The following TAFA1 variants were observed in gnomAD, a reference collection of about 807,000 sequenced individuals.
The protein encoded by TAFA1 is TAFA chemokine like family member 1.
TAFA1 carries 4 observed loss-of-function variants against 18.5 expected under a neutral mutation model. The ratio of observed to expected loss-of-function variants is 0.22; its 90% confidence interval spans 0.11 to 0.49. The LOEUF is 0.49. TAFA1 is among the 20% of genes least tolerant of loss of function. The probability of loss-of-function intolerance (pLI) is 0.98; values close to 1 mark genes in which losing one functional copy is unlikely to be tolerated. For missense variants in TAFA1, 147 were observed against 169.0 expected (o/e 0.87, Z 0.72); for synonymous variants, 56 against 55.2 (o/e 1.01, Z -0.06).
intron 2 of TAFA1, among the ~76,000 whole-genome samples, chr3:68,290,202 C>A (rs2068082715): frequency 6.6e-6 from 1 of 152,070 alleles, no homozygotes; most frequent in African/African-American, 2.4e-5. Flanking sequence ...TTAGTTAACC[C>A]AATATTTCTC....
chr3:68,125,669 T>C (rs905158308), intron 2 of TAFA1, among the ~76,000 whole-genome samples: 3 of 152,170 alleles, frequency 2.0e-5, no homozygotes, highest in African/African-American at 7.2e-5. Context: ...AACAAGACAC[T>C]GTCTCTGGTG....
At chr3:68,033,640 A>T (rs959405383) in intron 2 of TAFA1, among the ~76,000 whole-genome samples, 1 of 152,194 alleles carries the variant, frequency 6.6e-6, no homozygotes, top group Admixed American at 6.6e-5. Context: ...AAGTCATGCT[A>T]GATATTTACT....
At chr3:68,082,786 GAC>G (rs1281087792) in intron 2 of TAFA1, among the ~76,000 whole-genome samples, 1 of 152,182 alleles carries the variant, frequency 6.6e-6, no homozygotes, top group East Asian at 1.9e-4. Flanking sequence ...TTCAGAGACT[GAC>G]ACAGTTTCAG....
At chr3:68,176,476 C>G (rs1210719226) in intron 2 of TAFA1, among the ~76,000 whole-genome samples, 1 of 152,114 alleles carries the variant, frequency 6.6e-6, no homozygotes, top group Non-Finnish European at 1.5e-5. Context: ...AGTGAGACTC[C>G]ACCAAGTAAA....
At chr3:68,167,195 C>T (rs544391048) in intron 2 of TAFA1, among the ~76,000 whole-genome samples, 2 of 152,272 alleles carry the variant, frequency 1.3e-5, no homozygotes, top group African/African-American at 4.8e-5. Flanking sequence ...TGGGATGTTT[C>T]CTTTATGCTC....
chr3:68,170,336 C>G (rs2066036821), intron 2 of TAFA1, among the ~76,000 whole-genome samples: 1 of 152,162 alleles, frequency 6.6e-6, no homozygotes, highest in Non-Finnish European at 1.5e-5. Flanking sequence ...TGCCCAAAGT[C>G]CAGGGCTTGT....
intron 2 of TAFA1, among the ~76,000 whole-genome samples, chr3:68,333,108 A>C (rs572479265): frequency 1.3e-5 from 2 of 152,204 alleles, no homozygotes; most frequent in Non-Finnish European, 2.9e-5. Context: ...TTCTGAAAGA[A>C]CTTAAAACAG....
intron 2 of TAFA1, among the ~76,000 whole-genome samples, chr3:68,416,888 A>G (rs1259740130): frequency 6.6e-6 from 1 of 152,116 alleles, no homozygotes; most frequent in African/African-American, 2.4e-5. Context: ...CTTCTGTATC[A>G]CTGGAGTGTC....
At chr3:68,249,875 G>A (rs1485185026) in intron 2 of TAFA1, among the ~76,000 whole-genome samples, 2 of 152,118 alleles carry the variant, frequency 1.3e-5, no homozygotes, top group Admixed American at 6.6e-5. Flanking sequence ...CAGAGGTGGA[G>A]TGTCTCCTCT....
chr3:68,288,791 G>A (rs978053231), intron 2 of TAFA1, among the ~76,000 whole-genome samples: 4 of 152,212 alleles, frequency 2.6e-5, no homozygotes, highest in African/African-American at 9.6e-5. Flanking sequence ...CATGATATGG[G>A]AGAGCCAGGG....
chr3:68,012,801 G>A (rs1704497128), intron 2 of TAFA1, among the ~76,000 whole-genome samples: 1 of 152,020 alleles, frequency 6.6e-6, no homozygotes, highest in African/African-American at 2.4e-5. Flanking sequence ...ATATCATGAG[G>A]CCCTTTTCCT....
At chr3:68,311,366 T>G (rs1420088440) in intron 2 of TAFA1, among the ~76,000 whole-genome samples, 3 of 152,300 alleles carry the variant, frequency 2.0e-5, no homozygotes, top group South Asian at 4.1e-4. Flanking sequence ...CATTTCAGCA[T>G]TTACTCAAAA....
At chr3:68,181,361 G>A (rs944079558) in intron 2 of TAFA1, among the ~76,000 whole-genome samples, 1 of 145,372 alleles carries the variant, frequency 6.9e-6, no homozygotes, top group Non-Finnish European at 1.5e-5. Flanking sequence ...GAAAGATGGT[G>A]CACTGACTAG....
At chr3:68,200,559 G>A (rs1389792636) in intron 2 of TAFA1, among the ~76,000 whole-genome samples, 1 of 151,492 alleles carries the variant, frequency 6.6e-6, no homozygotes, top group Non-Finnish European at 1.5e-5. Context: ...GCAAGTTTTG[G>A]CAGAGTGTGT....
At chr3:68,518,076 C>T (rs2072952593) in intron 3 of TAFA1, among the ~76,000 whole-genome samples, 1 of 152,332 alleles carries the variant, frequency 6.6e-6, no homozygotes, top group Admixed American at 6.5e-5. Context: ...CTCTACTTTA[C>T]TGCCTTTGCA....
intron 2 of TAFA1, among the ~76,000 whole-genome samples, chr3:68,019,784 A>T (rs965911936): frequency 1.3e-5 from 2 of 152,136 alleles, no homozygotes; most frequent in African/African-American, 2.4e-5. Flanking sequence ...CAACAACAAC[A>T]ACGAAAACAA....
At chr3:68,356,574 A>T (rs2069369551) in intron 2 of TAFA1, among the ~76,000 whole-genome samples, 2 of 151,704 alleles carry the variant, frequency 1.3e-5, no homozygotes, top group South Asian at 4.2e-4. Flanking sequence ...TGTAAGCTAA[A>T]CTCCTTACAT....
At chr3:68,429,046 G>T (rs2071113452) in intron 3 of TAFA1, among the ~76,000 whole-genome samples, 1 of 151,990 alleles carries the variant, frequency 6.6e-6, no homozygotes, top group African/African-American at 2.4e-5. Flanking sequence ...CATGCCTTGA[G>T]GCACCTGAAA....
intron 2 of TAFA1, among the ~76,000 whole-genome samples, chr3:68,265,954 C>T (rs2067534940): frequency 6.6e-6 from 1 of 152,088 alleles, no homozygotes; most frequent in Non-Finnish European, 1.5e-5. Context: ...ATTGTATAAT[C>T]CCTGGAATGC....
Sources: gnomAD v4.1 joint callset for allele counts (sites outside exome capture counted in the v4.1 genomes callset) on GRCh38, gnomAD v4.1.1 for gene constraint, MANE v1.5 for transcripts, NCBI Gene and HGNC (gene_info 2026-07-23, HGNC 2026-07-21) for gene names.